XKR9: variants seen among roughly 807,000 people sequenced by gnomAD.
XKR9 encodes XK related 9.
Under a neutral mutation model 32.0 loss-of-function variants are expected in XKR9, and 32 were observed. The ratio of observed to expected loss-of-function variants is 1.00; its 90% CI spans 0.76 to 1.34. The LOEUF (loss-of-function observed/expected upper bound fraction) is 1.34. Ranked by LOEUF, XKR9 falls within the 40% of genes most tolerant of loss-of-function variation. The pLI is 0.00. For synonymous variants in XKR9, 168 were observed against 143.4 expected (o/e 1.17, Z -1.22); for missense variants, 546 against 429.7 (o/e 1.27, Z -2.39).
chr8:70,701,293 G>A (rs1269310062), intron 3 of XKR9, among the ~76,000 whole-genome samples: 8 of 152,200 alleles, frequency 5.3e-5, no homozygotes, highest in African/African-American at 1.9e-4. Flanking sequence ...CACGCTGGGA[G>A]CTGTAGACCG....
the XKR9 span, among the ~76,000 whole-genome samples, chr8:71,031,040 G>C: frequency 6.6e-6 from 1 of 152,014 alleles, no homozygotes; most frequent in Non-Finnish European, 1.5e-5. Flanking sequence ...TCTTCTTTGT[G>C]TATCTGTGTA....
intron 4 of XKR9, among the ~76,000 whole-genome samples, chr8:70,731,178 C>T (rs916029172): frequency 9.9e-5 from 15 of 152,150 alleles, no homozygotes; most frequent in African/African-American, 3.4e-4. Context: ...TTTGCTACAG[C>T]CTAAGACTAG....
At chr8:70,874,610 A>G in the XKR9 span, among the ~76,000 whole-genome samples, 1 of 152,222 alleles carries the variant, frequency 6.6e-6, no homozygotes, top group Non-Finnish European at 1.5e-5. Flanking sequence ...TCTTTAGGAC[A>G]TCTCTTCTTT....
At chr8:71,021,650 G>A in the XKR9 span, among the ~76,000 whole-genome samples, 4 of 151,774 alleles carry the variant, frequency 2.6e-5, no homozygotes, top group Admixed American at 6.6e-5. Context: ...CTACAGGCAC[G>A]CGCCACCATG....
chr8:70,786,666 A>G (rs1807692608), intron 2 of XKR9, among the ~76,000 whole-genome samples: 1 of 152,064 alleles, frequency 6.6e-6, no homozygotes. Flanking sequence ...TGTGTGTGCC[A>G]TTATTCTTTT....
chr8:70,811,349 C>A, the XKR9 span, among the ~76,000 whole-genome samples: 57 of 152,092 alleles, frequency 3.7e-4, no homozygotes, highest in African/African-American at 1.1e-3. Flanking sequence ...GAAAGATCTA[C>A]AATTGACACC....
intron 4 of XKR9, among the ~76,000 whole-genome samples, chr8:70,714,083 G>C (rs978480572): frequency 2.2e-4 from 34 of 152,220 alleles, no homozygotes; most frequent in African/African-American, 8.2e-4. Flanking sequence ...GTGGGGATGA[G>C]TAAGGAGGAG....
At chr8:70,917,068 C>G in the XKR9 span, among the ~76,000 whole-genome samples, 1 of 152,046 alleles carries the variant, frequency 6.6e-6, no homozygotes, top group Non-Finnish European at 1.5e-5. Context: ...CTGACTGGTT[C>G]TCTTCTCTGG....
chr8:70,865,716 A>G, the XKR9 span, among the ~76,000 whole-genome samples: 4 of 152,298 alleles, frequency 2.6e-5, no homozygotes, highest in East Asian at 7.7e-4. Context: ...GCTCTTAGTC[A>G]AAAGGGATAA....
At chr8:70,906,839 T>C in the XKR9 span, among the ~76,000 whole-genome samples, 2 of 152,114 alleles carry the variant, frequency 1.3e-5, no homozygotes, top group Non-Finnish European at 2.9e-5. Context: ...TCCAAGATAA[T>C]TAGATTTATC....
chr8:70,889,784 G>A, the XKR9 span, among the ~76,000 whole-genome samples: 1 of 151,944 alleles, frequency 6.6e-6, no homozygotes, highest in Admixed American at 6.6e-5. Context: ...GTATTCCGTG[G>A]TGTATATGAC....
At chr8:70,933,290 A>G in the XKR9 span, among the ~76,000 whole-genome samples, 1 of 152,118 alleles carries the variant, frequency 6.6e-6, no homozygotes, top group East Asian at 1.9e-4. Context: ...TCTTTTCTCT[A>G]TCCTACACCA....
At chr8:70,784,598 T>C (rs1807659017) in intron 2 of XKR9, among the ~76,000 whole-genome samples, 1 of 151,860 alleles carries the variant, frequency 6.6e-6, no homozygotes, top group Admixed American at 6.6e-5. Flanking sequence ...TTTTTATTGG[T>C]AGAGTATGTA....
chr8:70,670,506 AC>A (rs1818676181), intron 1 of XKR9: 1 of 148,368 alleles, frequency 6.7e-6, no homozygotes, highest in African/African-American at 2.5e-5. Context: ...GTAGCAGCCC[AC>A]TCTTTTTTTT....
At chr8:71,037,761 A>G in the XKR9 span, among the ~76,000 whole-genome samples, 2 of 152,224 alleles carry the variant, frequency 1.3e-5, no homozygotes, top group African/African-American at 4.8e-5. Context: ...TCTTCAGGTG[A>G]TTACAGTAAT....
the XKR9 span, among the ~76,000 whole-genome samples, chr8:70,965,899 C>T: frequency 1.3e-5 from 2 of 151,634 alleles, no homozygotes; most frequent in Non-Finnish European, 2.9e-5. Context: ...CTTTGGGGTT[C>T]ATTTGCTCCT....
chr8:70,936,605 T>C, the XKR9 span, among the ~76,000 whole-genome samples: 1 of 152,048 alleles, frequency 6.6e-6, no homozygotes, highest in African/African-American at 2.4e-5. Context: ...AAAATGCTTT[T>C]CAAATTTTCA....
At chr8:70,707,229 CTT>C in intron 4 of XKR9, 76 bp downstream of exon 4, 1 of 1,184,688 alleles carries the variant, frequency 8.4e-7, no homozygotes, top group Admixed American at 2.3e-5. Flanking sequence ...CTTTGGCTGA[CTT>C]TAGAAATTTT....
intron 2 of XKR9, among the ~76,000 whole-genome samples, chr8:70,777,766 G>A (rs187470138): frequency 1.6e-3 from 241 of 152,232 alleles, no homozygotes; most frequent in African/African-American, 5.6e-3. Context: ...CTTTTGAGAA[G>A]TGTCTGTTCA....
Sources: gnomAD v4.1 joint callset for allele counts (sites outside exome capture counted in the v4.1 genomes callset) on GRCh38, gnomAD v4.1.1 for gene constraint, MANE v1.5 for transcripts, NCBI Gene and HGNC (gene_info 2026-07-23, HGNC 2026-07-21) for gene names.